The following NACC2 variants were observed in gnomAD, a reference collection of about 807,000 sequenced individuals.
NACC2 encodes the protein nucleus accumbens-associated protein 2.
In NACC2, 8 loss-of-function variants were observed where a neutral mutation model predicts 25.1. The ratio of observed to expected loss-of-function variants is 0.32; its 90% CI spans 0.19 to 0.57. The LOEUF (loss-of-function observed/expected upper bound fraction) is 0.57. NACC2 is among the 20% of genes least tolerant of loss of function. The pLI is 0.89. For synonymous variants in NACC2, 435 were observed against 294.7 expected (o/e 1.48, Z -4.88); for missense variants, 644 against 650.2 (o/e 0.99, Z 0.10).
chr9:136,078,534 C>T (rs1830288034), intron 1 of NACC2, among the ~76,000 whole-genome samples: 1 of 152,136 alleles, frequency 6.6e-6, no homozygotes, highest in Non-Finnish European at 1.5e-5. Context: ...GGAGGTGGGA[C>T]GTGGCCCGCT....
chr9:136,063,507 C>T (rs1428665230), intron 1 of NACC2, among the ~76,000 whole-genome samples: 1 of 152,198 alleles, frequency 6.6e-6, no homozygotes, highest in Non-Finnish European at 1.5e-5. Context: ...ATGTCCATCA[C>T]CAGGACCAGG....
chr9:136,019,894 C>G lies in NACC2; in HGVS notation c.887-3465G>C, dbSNP rs1397806924. On this transcript the variant is annotated intron_variant, in intron 2 of 5. Coordinates refer to ENST00000277554, the MANE Select transcript of NACC2 (RefSeq NM_144653.5). This position sits in a 1 kb window ranked among gnomAD's most constrained non-coding sequence, Gnocchi z 5.2. Reference sequence around the variant, plus strand: ...CCTGGAGGACACCACACTCAGGAAGCTGCCAGACACAGAAGGACACATCCC... The same window carrying G: ...CCTGGAGGACACCACACTCAGGAAGGTGCCAGACACAGAAGGACACATCCC... Among the ~76,000 whole-genome samples the G allele has an allele frequency of 6.6e-6, 1 of 151,964 alleles. No homozygotes were observed. The highest frequency in any genetic ancestry group is 1.5e-5 in the Non-Finnish European group (1 of 67,992).
intron 1 of NACC2, among the ~76,000 whole-genome samples, chr9:136,089,771 CTTT>C (rs397789617): frequency 4.1e-5 from 6 of 145,772 alleles, no homozygotes; most frequent in African/African-American, 1.5e-4. Context: ...TTCTTAAAAG[CTTT>C]TTTTTTTTCT....
At position 136,082,761 on chromosome 9, in the gene NACC2, C is replaced by T. The variant is rs1207659030; in HGVS notation, c.-60+12428G>A. 5.3e-5 allele frequency among the ~76,000 whole-genome samples: 8 copies of T among 152,278 alleles called. No homozygotes were observed. In the East Asian group the frequency reaches 7.7e-4, roughly 15 times the overall value. On this transcript the variant is annotated intron_variant, in intron 1 of 5. Coordinates refer to ENST00000277554, the MANE Select transcript of NACC2 (RefSeq NM_144653.5). ...TCAGATCACAGCCCCCTCTCCCCGG[C>T]GGGTGGGGCTGGCTCTTGGCCAGCG...
intron 1 of NACC2, among the ~76,000 whole-genome samples, chr9:136,062,594 G>A (rs749070989): frequency 1.3e-5 from 2 of 152,108 alleles, no homozygotes; most frequent in South Asian, 2.1e-4. Flanking sequence ...TTCTCTGTAC[G>A]TTCACACCAG....
chr9:136,033,940 T>TGTGAGA (rs1491487263), intron 2 of NACC2, among the ~76,000 whole-genome samples: 1 of 144,672 alleles, frequency 6.9e-6, no homozygotes, highest in South Asian at 2.2e-4. Flanking sequence ...TGTGTGTGTG[T>TGTGAGA]GAGATATTTG....
rs1228928767 is a variant in NACC2, at chr9:136,055,887, G to A, written c.-59-5307C>T. 2.0e-5 allele frequency among the ~76,000 whole-genome samples: 3 copies of A among 152,174 alleles called. No homozygotes were observed. Among genetic ancestry groups the A allele is most frequent in the Non-Finnish European group, 4.4e-5 (3 of 68,044 alleles). Reference sequence around the variant, plus strand: ...AAGGTCAATCGAAGGCGCTCCTGGAGCGTGAGAAGGTGTGGGGATGGGGCG... The same window carrying A: ...AAGGTCAATCGAAGGCGCTCCTGGAACGTGAGAAGGTGTGGGGATGGGGCG... On this transcript the variant is annotated intron_variant, in intron 1 of 5. Transcript: ENST00000277554. This position sits in a 1 kb window ranked among gnomAD's most constrained non-coding sequence, Gnocchi z 4.9.
chr9:136,087,667 T>C (rs1005205184), intron 1 of NACC2, among the ~76,000 whole-genome samples: 2 of 152,160 alleles, frequency 1.3e-5, no homozygotes, highest in Non-Finnish European at 2.9e-5. Context: ...GCGGGAAAAC[T>C]GAGACCCAGG....
intron 2 of NACC2, among the ~76,000 whole-genome samples, chr9:136,033,792 G>A (rs1010504383): frequency 2.0e-5 from 3 of 151,456 alleles, no homozygotes; most frequent in African/African-American, 7.3e-5. Flanking sequence ...ATAAACAGAA[G>A]GATGTACCAC....
chr9:136,077,230 C>A (rs1358676381), intron 1 of NACC2, among the ~76,000 whole-genome samples: 1 of 151,364 alleles, frequency 6.6e-6, no homozygotes, highest in Non-Finnish European at 1.5e-5. Flanking sequence ...ACTTGGGAGG[C>A]TGAGGCAGGA....
chr9:136,038,957 G>A (rs934982685), intron 2 of NACC2, among the ~76,000 whole-genome samples: 1 of 152,216 alleles, frequency 6.6e-6, no homozygotes, highest in Non-Finnish European at 1.5e-5. Flanking sequence ...CAAATAGCAA[G>A]ATGGTAGACG....
Position 136,020,071 on chromosome 9 carries a change from T to C in NACC2, c.887-3642A>G, listed in dbSNP as rs1840267099. On this transcript the variant is annotated intron_variant, in intron 2 of 5. Coordinates refer to ENST00000277554, the MANE Select transcript of NACC2 (RefSeq NM_144653.5). This position sits in a 1 kb window ranked among gnomAD's most constrained non-coding sequence, Gnocchi z 4.7. ...GGAAGATGGGAAGTTCTGGAGCCGA[T>C]GGCAGTGATGCTCACAAAACAGTGG... 6.6e-6 allele frequency among the ~76,000 whole-genome samples: 1 copy of C among 152,130 alleles called. No homozygotes were observed. The highest frequency in any genetic ancestry group is 6.5e-5 in the Admixed American group (1 of 15,280).
At chr9:136,045,412 T>TCACG (rs1588569482) in intron 2 of NACC2, among the ~76,000 whole-genome samples, 1 of 152,020 alleles carries the variant, frequency 6.6e-6, no homozygotes, top group Non-Finnish European at 1.5e-5. Context: ...AGGGTTACCG[T>TCACG]GGAAGTGTGC....
At chr9:136,041,559 T>C (rs945949418) in intron 2 of NACC2, among the ~76,000 whole-genome samples, 3 of 152,202 alleles carry the variant, frequency 2.0e-5, no homozygotes, top group Non-Finnish European at 2.9e-5. Flanking sequence ...AATAGGAATC[T>C]ACACAGAGAG....
chr9:136,018,681 C>A lies in NACC2; in HGVS notation c.887-2252G>T, dbSNP rs1388047567. ...AGGTGGGTGCACAGCCCCTGCCCGG[C>A]CACTACAGGGGTCAGGCAGCATTTC... On this transcript the variant is annotated intron_variant, in intron 2 of 5. Coordinates refer to ENST00000277554, the MANE Select transcript of NACC2 (RefSeq NM_144653.5). This position sits in a 1 kb window ranked among gnomAD's most constrained non-coding sequence, Gnocchi z 4.4. Among the ~76,000 whole-genome samples, 3 of 152,026 alleles carry A rather than the reference C, an allele frequency of 2.0e-5. No individual in the cohort carries two copies. Among genetic ancestry groups the A allele is most frequent in the South Asian group, 2.1e-4 (1 of 4,810 alleles).
intron 1 of NACC2, among the ~76,000 whole-genome samples, chr9:136,058,058 T>C (rs1008831171): frequency 2.8e-4 from 43 of 152,146 alleles, no homozygotes; most frequent in African/African-American, 1.0e-3. Context: ...CTTAAAACTC[T>C]CATGTAAATC....
At chr9:136,033,593 T>C (rs1198499642) in intron 2 of NACC2, among the ~76,000 whole-genome samples, 1 of 132,284 alleles carries the variant, frequency 7.6e-6, no homozygotes, top group African/African-American at 2.9e-5. Flanking sequence ...GAGGTTGGAG[T>C]GAGCTGAGAT....
chr9:136,040,838 G>A (rs1327799930), intron 2 of NACC2, among the ~76,000 whole-genome samples: 7 of 152,294 alleles, frequency 4.6e-5, no homozygotes, highest in African/African-American at 1.4e-4. Context: ...GTGCACGCCT[G>A]TAGTTCCAGC....
chr9:136,092,013 G>A (rs1346284857), intron 1 of NACC2, among the ~76,000 whole-genome samples: 1 of 152,200 alleles, frequency 6.6e-6, no homozygotes, highest in Admixed American at 6.5e-5. Context: ...ACTCTGGACA[G>A]GCTGAAAGGG....
Sources: gnomAD v4.1 joint callset for allele counts (sites outside exome capture counted in the v4.1 genomes callset) on GRCh38, gnomAD v4.1.1 for gene constraint, Gnocchi (gnomAD v3.1) non-coding constraint, MANE v1.5 for transcripts, NCBI Gene and HGNC (gene_info 2026-07-23, HGNC 2026-07-21) for gene names.